FBRSL1: variants seen among roughly 807,000 people sequenced by gnomAD.
The protein encoded by FBRSL1 is fibrosin like 1.
In FBRSL1, 51 loss-of-function variants were observed where a neutral mutation model predicts 89.6. That is an observed-to-expected ratio of 0.57 (90% confidence interval 0.45 to 0.72). FBRSL1 has a LOEUF of 0.72. Among genes scored for constraint, FBRSL1 ranks in the 30% least tolerant of loss-of-function variants. The pLI, the probability that FBRSL1 is intolerant of heterozygous loss-of-function variation, is 0.00. For missense variants in FBRSL1, 1,618 were observed against 1,451.8 expected, an observed-to-expected ratio of 1.11 and a Z score of -1.86; for synonymous variants, 779 against 681.1, an observed-to-expected ratio of 1.14 and a Z score of -2.24.
intron 18 of FBRSL1, among the ~76,000 whole-genome samples, 176 bp downstream of exon 18, chr12:132,582,442 C>G (rs1443539155): frequency 6.6e-6 from 1 of 151,084 alleles, no homozygotes; most frequent in Non-Finnish European, 1.5e-5. Context: ...CCCTCTCACC[C>G]TCCTCGCCCC....
chr12:132,509,625 C>G, intron 2 of FBRSL1: 1 of 1,232,272 alleles, frequency 8.1e-7, no homozygotes, highest in Non-Finnish European at 1.0e-6. Flanking sequence ...CCTCCTGGTC[C>G]CCTGCCTCTA....
At chr12:132,571,726 G>A (rs1182606142) in intron 9 of FBRSL1, 1 of 379,108 alleles carries the variant, frequency 2.6e-6, no homozygotes, top group Non-Finnish European at 4.6e-6. Context: ...CCCACCCTCG[G>A]CAGTGGTCCT....
Position 132,490,455 on chromosome 12 carries a change from C to G in FBRSL1, c.-116C>G. The G allele has an allele frequency of 4.0e-6, 3 of 756,354 alleles. No homozygotes were observed. The highest frequency in any genetic ancestry group is 4.8e-6 in the Non-Finnish European group (3 of 626,564). 46.9% of individuals were successfully genotyped at this position (756,354 alleles called of 1,614,324 possible). On this transcript the variant is annotated 5_prime_UTR_variant, in exon 1 of 19. Transcript: ENST00000680143. ...CCGCCGCCCGCCGCCGCCCAGGGCC[C>G]GAGCCCGCGCGGCGCACACTCAGCC...
At chr12:132,526,590 C>T (rs2035807738) in intron 3 of FBRSL1, among the ~76,000 whole-genome samples, 1 of 152,194 alleles carries the variant, frequency 6.6e-6, no homozygotes. Context: ...CTGACCTGTC[C>T]CCGGCAAGGG....
chr12:132,571,092 G>A lies in FBRSL1; in HGVS notation c.1238G>A (p.Ser413Asn). The A allele has an allele frequency of 1.5e-6, 2 of 1,356,514 alleles. No homozygotes were observed. The highest frequency in any genetic ancestry group is 1.9e-6 in the Non-Finnish European group (2 of 1,056,890). 84.0% of individuals were successfully genotyped at this position (1,356,514 alleles called of 1,614,324 possible). ...GATGCCAGCCTGGCGGTCTCATTCA[G>A]CCAGCCAATCATGTATTGCCAGCCT... ...PADASLAVSF[S>N]QPIMYCQPHS... Residue 413 changes from serine (S) to asparagine (N), a missense_variant, in exon 9 of 19, where the codon AGC (serine) becomes AAC (asparagine). Physicochemically the swap from Ser to Asn is conservative, Grantham distance 46. Transcript: ENST00000680143.
At chr12:132,559,004 G>T (rs2038896682) in intron 5 of FBRSL1, among the ~76,000 whole-genome samples, 1 of 152,244 alleles carries the variant, frequency 6.6e-6, no homozygotes, top group South Asian at 2.1e-4. Flanking sequence ...CGCAGTTGGT[G>T]TCCTGGTTTT....
chr12:132,549,275 A>G (rs1251611360), intron 5 of FBRSL1, among the ~76,000 whole-genome samples: 5 of 152,090 alleles, frequency 3.3e-5, no homozygotes, highest in Admixed American at 6.5e-5. Flanking sequence ...TCCCTGCCCA[A>G]CACACCTCTC....
At chr12:132,578,343 T>TCACACACACACACACACACA (rs3221291) in intron 15 of FBRSL1, among the ~76,000 whole-genome samples, 20,952 of 140,754 alleles carry the variant, frequency 0.15, 1,756 homozygotes, top group East Asian at 0.24. Context: ...AGACCCTGTC[T>TCACACACACACACACACACA]CACACACACA....
rs1369391889 is a variant in FBRSL1 at position 132,582,115 on chromosome 12, C to T, written c.2050C>T (p.Pro684Ser). Residue 684 changes from proline to serine, a missense_variant, in exon 18 of 19, where the codon CCC (proline) becomes TCC (serine). Transcript: ENST00000680143. ...GGAGGGCTCCTCCGTGCACGGCCTGCCCAGCCCCCATGAGGCCTGGAACCG... is the reference window on the plus strand; with the variant it reads ...GGAGGGCTCCTCCGTGCACGGCCTGTCCAGCCCCCATGAGGCCTGGAACCG... The part of the protein sequence containing the change: ...PKEGSSVHGL[P>S]SPHEAWNRLH... The T allele has an allele frequency of 3.2e-6, 5 of 1,549,800 alleles. No homozygotes were observed. Among genetic ancestry groups the T allele is most frequent in the Middle Eastern group, 1.7e-4 (1 of 5,986 alleles).
rs2038960076 is a variant in FBRSL1, at chr12:132,559,877, G to A, written c.646-7604G>A. Among the ~76,000 whole-genome samples, 3 of 151,144 alleles carry A rather than the reference G, an allele frequency of 2.0e-5. No homozygotes were observed. In the South Asian group the frequency reaches 6.2e-4, roughly 31 times the overall value. Reference sequence around the variant, plus strand: ...CGTTCGGACCCCGGGCCGGCGGCGGGCGCGGGTGGATCGGCGCCTCGGGGC... The same window carrying A: ...CGTTCGGACCCCGGGCCGGCGGCGGACGCGGGTGGATCGGCGCCTCGGGGC... On this transcript the variant is annotated intron_variant, in intron 5 of 18. Coordinates refer to ENST00000680143, the MANE Select transcript of FBRSL1 (RefSeq NM_001367871.1).
At chr12:132,492,506 G>A (rs975611605) in intron 1 of FBRSL1, among the ~76,000 whole-genome samples, 1 of 152,198 alleles carries the variant, frequency 6.6e-6, no homozygotes, top group Non-Finnish European at 1.5e-5. Flanking sequence ...GGAAGAGCTC[G>A]ATGTGTAGAA....
At chr12:132,535,436 G>A (rs1303260534) in intron 4 of FBRSL1, among the ~76,000 whole-genome samples, 1 of 152,256 alleles carries the variant, frequency 6.6e-6, no homozygotes, top group African/African-American at 2.4e-5. Flanking sequence ...AGAAACACTG[G>A]TGAGGCCTCT....
chr12:132,580,648 C>A, intron 15 of FBRSL1: 1 of 388,568 alleles, frequency 2.6e-6, no homozygotes, highest in Non-Finnish European at 3.5e-6. Context: ...AGCTTTCATG[C>A]CACAGCTCAG....
chr12:132,547,098 C>T (rs750688784), intron 4 of FBRSL1, among the ~76,000 whole-genome samples: 69 of 152,314 alleles, frequency 4.5e-4, no homozygotes, highest in Admixed American at 8.5e-4. Context: ...TTGACTGTTT[C>T]GGGGGACATT....
At chr12:132,555,054 G>A (rs946116177) in intron 5 of FBRSL1, 1 of 152,230 alleles carries the variant, frequency 6.6e-6, no homozygotes, top group African/African-American at 2.4e-5. Context: ...CCCTGCTGGG[G>A]GCGACCTCCA....
intron 5 of FBRSL1, among the ~76,000 whole-genome samples, chr12:132,548,551 C>A (rs12372596): frequency 6.6e-6 from 1 of 152,130 alleles, no homozygotes; most frequent in Non-Finnish European, 1.5e-5. Context: ...GGAGTGAACC[C>A]CCCGGGCAGC....
chr12:132,512,751 C>T (rs760239474), intron 2 of FBRSL1, among the ~76,000 whole-genome samples: 1 of 152,214 alleles, frequency 6.6e-6, no homozygotes, highest in Non-Finnish European at 1.5e-5. Context: ...TGGCACTTGG[C>T]TGCCCCTTAA....
chr12:132,524,472 G>A (rs2035618339), intron 2 of FBRSL1, among the ~76,000 whole-genome samples: 1 of 152,278 alleles, frequency 6.6e-6, no homozygotes, highest in African/African-American at 2.4e-5. Context: ...GTTGCTGCAG[G>A]AGGTGCACAG....
chr12:132,552,385 GGCCCCT>G (rs1404953352), intron 5 of FBRSL1: 1 of 157,762 alleles, frequency 6.3e-6, no homozygotes, highest in African/African-American at 2.4e-5. Flanking sequence ...ACAGGCTGGA[GGCCCCT>G]GCCATGGGCA....
Sources: allele counts gnomAD v4.1 joint callset (sites outside exome capture counted in the v4.1 genomes callset), GRCh38; gene constraint gnomAD v4.1.1; transcripts MANE v1.5; gene names NCBI Gene and HGNC (gene_info 2026-07-23, HGNC 2026-07-21).